Variants in PRM2 observed in about 807,000 individuals in gnomAD.
PRM2 encodes the protein protamine 2.
A neutral mutation model predicts 10.7 loss-of-function variants in PRM2; 6 were observed. The ratio of observed to expected loss-of-function variants is 0.56; its 90% CI spans 0.31 to 1.11. The LOEUF is 1.11. Among genes scored for constraint, PRM2 ranks in the 50% least tolerant of loss-of-function variants. PRM2 has a pLI of 0.06. For synonymous variants in PRM2, 64 were observed against 54.8 expected, an observed-to-expected ratio of 1.17 and a Z score of -0.74; for missense variants, 194 against 147.7, an observed-to-expected ratio of 1.31 and a Z score of -1.62.
chr16:11,275,943 G>T lies in PRM2; in HGVS notation c.272-6C>A. 4 of 1,614,078 alleles carry T rather than the reference G, an allele frequency of 2.5e-6. No homozygotes were observed. The highest frequency in any genetic ancestry group is 1.7e-6 in the Non-Finnish European group (2 of 1,180,004). On this transcript the variant is annotated splice_polypyrimidine_tract_variant and splice_region_variant and intron_variant, in intron 1 of 1. Coordinates refer to ENST00000241808, the MANE Select transcript of PRM2 (RefSeq NM_002762.4). Reference sequence around the variant, plus strand: ...TCTCTTCCTGGTTCTGCAGCCTTTTGGGAAAGAAAGTTCTGGTTGAGGGGG... The same window carrying T: ...TCTCTTCCTGGTTCTGCAGCCTTTTTGGAAAGAAAGTTCTGGTTGAGGGGG...
In PRM2 at chr16:11,275,826, A is replaced by G. The variant is rs1424207089; in HGVS notation, c.*74T>C. 6.2e-7 allele frequency: 1 copy of G among 1,609,292 alleles called. No homozygotes were observed. Among genetic ancestry groups the G allele is most frequent in the East Asian group, 2.2e-5 (1 of 44,778 alleles). On this transcript the variant is annotated 3_prime_UTR_variant, in exon 2 of 2. Transcript: ENST00000241808. The stretch of plus-strand genomic sequence containing the variant: ...GGGCTTGAGCATTTGATGTAGGGGA[A>G]TTGCTATGGCCTCACTTGGTGTTTC...
rs1476150260 is a variant in PRM2 at position 11,275,760 on chromosome 16, G to T, written c.*140C>A. On this transcript the variant is annotated 3_prime_UTR_variant, in exon 2 of 2. Transcript: ENST00000241808. ...AGGGGAGTTGCTATGGCCTCACTCG[G>T]TGTTTCTTGGGCAGGTGACTTTCTC... The T allele has an allele frequency of 6.5e-7, 1 of 1,548,620 alleles. No individual in the cohort carries two copies. Among genetic ancestry groups the T allele is most frequent in the East Asian group, 2.3e-5 (1 of 42,886 alleles).
At position 11,276,311 on chromosome 16, in the gene PRM2, C is replaced by A; in HGVS notation, c.60G>T (p.Gln20His). 4 of 1,614,256 alleles carry A rather than the reference C, an allele frequency of 2.5e-6. No individual in the cohort carries two copies. Among genetic ancestry groups the A allele is most frequent in the African/African-American group, 2.7e-5 (2 of 75,070 alleles). ...GGTGTCCTTGCTCTTGCCCATGCAA[C>A]TGCTGCCTGTACACCTCGTGCGAGC... ...SERSHEVYRQ[Q>H]LHGQEQGHHG... The change falls in exon 1 of 2, where the codon CAG becomes CAT. Residue 20 changes from glutamine to histidine, a missense_variant. By Grantham distance (24) the Gln-to-His change is conservative (BLOSUM62 0). Coordinates refer to ENST00000241808, the MANE Select transcript of PRM2 (RefSeq NM_002762.4).
chr16:11,276,023 G>A (rs1439353709), intron 1 of PRM2, 77 bp downstream of exon 1: 14 of 1,609,788 alleles, frequency 8.7e-6, no homozygotes, highest in Non-Finnish European at 1.2e-5. Flanking sequence ...CTTTTGTCAG[G>A]TGGGGTGGGT....
Position 11,275,737 on chromosome 16 carries a change from G to T in PRM2, c.*163C>A. The T allele has an allele frequency of 6.7e-7, 1 of 1,500,854 alleles. No individual in the cohort carries two copies. Among genetic ancestry groups the T allele is most frequent in the South Asian group, 1.2e-5 (1 of 83,118 alleles). The allele number at this position is 1,500,854 out of a possible 1,614,324, so 93.0% of individuals were successfully genotyped here. A position where few individuals can be genotyped will look rare whatever the true frequency, so the allele number is the denominator to read the frequency against. On this transcript the variant is annotated 3_prime_UTR_variant, in exon 2 of 2. Transcript: ENST00000241808. ...CTCAGGGCTTGAGCATTTGATGTAG[G>T]GGAGTTGCTATGGCCTCACTCGGTG...
Position 11,276,090 on chromosome 16 carries a change from G to A in PRM2, c.271+10C>T, listed in dbSNP as rs74007626. 5.5e-3 allele frequency: 8,839 copies of A among 1,609,342 alleles called. 417 individuals are homozygous for A. The African/African-American group carries it at 0.1, about 19-fold the overall frequency. On this transcript the variant is annotated intron_variant, in intron 1 of 1. Coordinates refer to ENST00000241808, the MANE Select transcript of PRM2 (RefSeq NM_002762.4). The stretch of plus-strand genomic sequence containing the variant: ...GGGACATGCAGGGCAAGGCGGGGGC[G>A]CAGGCAGACCTCTGCGATGCCTCCT...
At chr16:11,276,054 TG>T in intron 1 of PRM2, 45 bp downstream of exon 1, 1 of 1,610,944 alleles carries the variant, frequency 6.2e-7, no homozygotes. Context: ...CTCCTGTGCC[TG>T]GGGTGGTCAG....
In PRM2 at chr16:11,276,180, T is replaced by G. The variant is rs1008628003; in HGVS notation, c.191A>C (p.His64Pro). 6.2e-7 allele frequency: 1 copy of G among 1,614,008 alleles called. No individual in the cohort carries two copies. The highest frequency in any genetic ancestry group is 1.3e-5 in the African/African-American group (1 of 74,954). ...RRRHCSRRRL[H>P]RIHRRQHRSC... Reference sequence around the variant, plus strand: ...GCGATGCTGCCGCCTGTGGATCCGGTGCAGCCTCCTTCGAGAGCAGTGTCT... The same window carrying G: ...GCGATGCTGCCGCCTGTGGATCCGGGGCAGCCTCCTTCGAGAGCAGTGTCT... Residue 64 changes from histidine to proline, a missense_variant, in exon 1 of 2, where the codon CAC (histidine) becomes CCC (proline). His to Pro is a moderately conservative substitution (Grantham distance 77, BLOSUM62 -2). Coordinates refer to ENST00000241808, the MANE Select transcript of PRM2 (RefSeq NM_002762.4).
chr16:11,275,997 G>A lies in PRM2; in HGVS notation c.272-60C>T, dbSNP rs1283827108. The A allele has an allele frequency of 5.6e-6, 9 of 1,612,390 alleles. No individual in the cohort carries two copies. The African/African-American group carries it at 1.2e-4, about 22-fold the overall frequency. The stretch of plus-strand genomic sequence containing the variant: ...CCTAGGGACTCTGGGTGGGGACGGG[G>A]GTTAGGGGGCTGGAGCTTTTGTCAG... On this transcript the variant is annotated intron_variant, in intron 1 of 1. Coordinates refer to ENST00000241808, the MANE Select transcript of PRM2 (RefSeq NM_002762.4).
At position 11,275,785 on chromosome 16, in the gene PRM2, C is replaced by G. The variant is rs1335031723; in HGVS notation, c.*115G>C. 6 of 1,581,212 alleles carry G rather than the reference C, an allele frequency of 3.8e-6. No individual in the cohort carries two copies. Among genetic ancestry groups the G allele is most frequent in the Non-Finnish European group, 5.2e-6 (6 of 1,164,376 alleles). On this transcript the variant is annotated 3_prime_UTR_variant, in exon 2 of 2. Coordinates refer to ENST00000241808, the MANE Select transcript of PRM2 (RefSeq NM_002762.4). ...GTGTTTCTTGGGCAGGTGACTTTCTCTTAACTTCCAGCTGGGGGCTTGAGC... is the reference window on the plus strand; with the variant it reads ...GTGTTTCTTGGGCAGGTGACTTTCTGTTAACTTCCAGCTGGGGGCTTGAGC...
At position 11,276,347 on chromosome 16, in the gene PRM2, G is replaced by A. The variant is rs375323174; in HGVS notation, c.24C>T (p.Ser8=). 1.2e-5 allele frequency: 19 copies of A among 1,614,116 alleles called. No homozygotes were observed. The highest frequency in any genetic ancestry group is 1.6e-5 in the Non-Finnish European group (19 of 1,180,038). MVRYRVR[S]LSERSHEVYR... is the part of the protein sequence containing the mutation. ...ACACCTCGTGCGAGCGTTCGCTCAG[G>A]CTCCTCACGCGGTATCGGACCATGG... The change falls in exon 1 of 2, where the codon AGC becomes AGT. Residue 8 remains serine, a synonymous_variant. Transcript: ENST00000241808.
At position 11,276,257 on chromosome 16, in the gene PRM2, C is replaced by T. The variant is rs759144750; in HGVS notation, c.114G>A (p.Pro38=). The change falls in exon 1 of 2, where the codon CCG becomes CCA. Residue 38 remains proline (P), a synonymous_variant. Transcript: ENST00000241808. ...TCCTCTCGTAGACCTCGACGTGCTC[C>T]GGGCTCAGCCCTTGCTCCTCTTGGC... ...HHGQEEQGLS[P]EHVEVYERTH... is the part of the protein sequence containing the mutation. The T allele has an allele frequency of 1.9e-5, 31 of 1,614,144 alleles. No individual in the cohort carries two copies. Among genetic ancestry groups the T allele is most frequent in the African/African-American group, 6.7e-5 (5 of 74,944 alleles).
intron 1 of PRM2, 59 bp from the exon 2 acceptor site, chr16:11,275,996 G>C (rs1353827112): frequency 1.2e-6 from 2 of 1,612,762 alleles, no homozygotes; most frequent in African/African-American, 1.3e-5. Flanking sequence ...GTGGGGACGG[G>C]GGTTAGGGGG....
At position 11,276,451 on chromosome 16, in the gene PRM2, C is replaced by A. The variant is rs1434703461; in HGVS notation, c.-81G>T. 1.6e-5 allele frequency: 26 copies of A among 1,578,300 alleles called. No individual in the cohort carries two copies. The highest frequency in any genetic ancestry group is 2.2e-5 in the Non-Finnish European group (26 of 1,158,602). ...GGGAGGAGGGCGGAGGCCTGCCCAC[C>A]TGCCCTTGGTGTTACTGTTGGTCTG... On this transcript the variant is annotated 5_prime_UTR_variant, in exon 1 of 2. The change creates a new upstream start codon in the 5' untranslated region. Transcript: ENST00000241808.
Position 11,275,857 on chromosome 16 carries a change from A to G in PRM2, c.*43T>C, listed in dbSNP as rs2069848285. ...ATGGCCTCACTTGGTGTTTCGGGCGACTTTTTCTTAATTTCCAGCTGGGGG... is the reference window on the plus strand; with the variant it reads ...ATGGCCTCACTTGGTGTTTCGGGCGGCTTTTTCTTAATTTCCAGCTGGGGG... On this transcript the variant is annotated 3_prime_UTR_variant, in exon 2 of 2. Transcript: ENST00000241808. The G allele has an allele frequency of 6.2e-7, 1 of 1,613,366 alleles. No individual in the cohort carries two copies.
chr16:11,276,028 G>T lies in PRM2; in HGVS notation c.271+72C>A, dbSNP rs1256358868. On this transcript the variant is annotated intron_variant, in intron 1 of 1. Coordinates refer to ENST00000241808, the MANE Select transcript of PRM2 (RefSeq NM_002762.4). ...GGGGCTGGAGCTTTTGTCAGGTGGG[G>T]TGGGTCCCCGCCTCCCTCCTGTGCC... 4 of 1,609,504 alleles carry T rather than the reference G, an allele frequency of 2.5e-6. No individual in the cohort carries two copies. The South Asian group carries it at 3.3e-5, about 13-fold the overall frequency.
In PRM2 at chr16:11,275,911, T is replaced by C; in HGVS notation, c.298A>G (p.Arg100Gly). 6.2e-7 allele frequency: 1 copy of C among 1,614,114 alleles called. No homozygotes were observed. Residue 100 changes from arginine (R) to glycine (G), a missense_variant, in exon 2 of 2, where the codon AGA (arginine) becomes GGA (glycine). By Grantham distance (125) the Arg-to-Gly change is moderately radical (BLOSUM62 -2). Coordinates refer to ENST00000241808, the MANE Select transcript of PRM2 (RefSeq NM_002762.4). Reference sequence around the variant, plus strand: ...GGGGCCCAGGAAGCTTAGTGCCTTCTGCATGTTCTCTTCCTGGTTCTGCAG... The same window carrying C: ...GGGGCCCAGGAAGCTTAGTGCCTTCCGCATGTTCTCTTCCTGGTTCTGCAG... ...RGCRTRKRTCRRH is the reference protein window; with the variant it reads ...RGCRTRKRTCGRH
At position 11,275,738 on chromosome 16, in the gene PRM2, G is replaced by C; in HGVS notation, c.*162C>G. ...TCAGGGCTTGAGCATTTGATGTAGG[G>C]GAGTTGCTATGGCCTCACTCGGTGT... On this transcript the variant is annotated 3_prime_UTR_variant, in exon 2 of 2. Coordinates refer to ENST00000241808, the MANE Select transcript of PRM2 (RefSeq NM_002762.4). 1 of 1,502,854 alleles carries C rather than the reference G, an allele frequency of 6.7e-7. No homozygotes were observed. Among genetic ancestry groups the C allele is most frequent in the Non-Finnish European group, 9.1e-7 (1 of 1,103,894 alleles). The allele number at this position is 1,502,854 out of a possible 1,614,324, so 93.1% of individuals were successfully genotyped here. A position where few individuals can be genotyped will look rare whatever the true frequency, so the allele number is the denominator to read the frequency against.
At position 11,275,707 on chromosome 16, in the gene PRM2, G is replaced by C; in HGVS notation, c.*193C>G. ...ACTCAGATCTTGTGGGCTTCTCGGC[G>C]GCAACTCAGGGCTTGAGCATTTGAT... On this transcript the variant is annotated 3_prime_UTR_variant, in exon 2 of 2. Transcript: ENST00000241808. 7.3e-7 allele frequency: 1 copy of C among 1,367,084 alleles called. No individual in the cohort carries two copies. The allele number at this position is 1,367,084 out of a possible 1,614,324, so 84.7% of individuals were successfully genotyped here.
Sources: gnomAD v4.1 joint callset for allele counts on GRCh38, gnomAD v4.1.1 for gene constraint, MANE v1.5 for transcripts, NCBI Gene and HGNC (gene_info 2026-07-23, HGNC 2026-07-21) for gene names.